Variants in EXT2 observed in about 807,000 individuals in gnomAD.
EXT2 encodes the protein exostosin-2.
A neutral mutation model predicts 81.6 loss-of-function variants in EXT2; 53 were observed. The observed-to-expected ratio is 0.65, with a 90% CI of 0.52 to 0.82. The LOEUF (loss-of-function observed/expected upper bound fraction) is 0.82. EXT2 is among the 40% of genes least tolerant of loss of function. EXT2 has a pLI of 0.00. For missense variants in EXT2, 774 were observed against 910.2 expected, an observed-to-expected ratio of 0.85 and a Z score of 1.93; for synonymous variants, 320 against 340.0, an observed-to-expected ratio of 0.94 and a Z score of 0.65.
intron 8 of EXT2, among the ~76,000 whole-genome samples, chr11:44,184,378 A>G (rs932153634): frequency 6.6e-6 from 1 of 152,218 alleles, no homozygotes; most frequent in Admixed American, 6.5e-5. Context: ...TCTTAAAGTA[A>G]GTGCTCTTTC....
intron 8 of EXT2, among the ~76,000 whole-genome samples, chr11:44,176,312 G>A (rs977462616): frequency 1.3e-5 from 2 of 152,060 alleles, no homozygotes; most frequent in Admixed American, 1.3e-4. Context: ...ATATAGGTAG[G>A]CTAGGAAAAA....
rs2134984062 is a variant in EXT2 at position 44,114,182 on chromosome 11, C to T, written c.627-3C>T. 6.2e-7 allele frequency: 1 copy of T among 1,613,540 alleles called. No homozygotes were observed. The highest frequency in any genetic ancestry group is 8.5e-7 in the Non-Finnish European group (1 of 1,179,468). On this transcript the variant is annotated splice_region_variant and splice_polypyrimidine_tract_variant and intron_variant, in intron 3 of 13. Transcript: ENST00000533608. ...ATCGTTTAACAAAATACTTTGCTTT[C>T]AGGGCCCTGTTGGCTGGTGGCGGCT...
intron 8 of EXT2, among the ~76,000 whole-genome samples, chr11:44,197,108 C>T (rs1424385585): frequency 1.3e-5 from 2 of 152,152 alleles, no homozygotes; most frequent in East Asian, 3.8e-4. Context: ...TCCTCTGTGC[C>T]TGTATTTCCC....
intron 7 of EXT2, among the ~76,000 whole-genome samples, chr11:44,146,555 T>A (rs1043864588): frequency 6.6e-6 from 1 of 152,164 alleles, no homozygotes; most frequent in Non-Finnish European, 1.5e-5. Flanking sequence ...CTCATTCCGT[T>A]GCAAGTTGAA....
Position 44,250,142 on chromosome 11 carries a change from CAG to C in EXT2, c.*5856_*5857del, listed in dbSNP as rs1395521983. Among the ~76,000 whole-genome samples the C allele has an allele frequency of 6.6e-6, 1 of 152,218 alleles. No homozygotes were observed. Among genetic ancestry groups the C allele is most frequent in the Admixed American group, 6.5e-5 (1 of 15,288 alleles). On this transcript the variant is annotated 3_prime_UTR_variant, in exon 14 of 14. Coordinates refer to ENST00000533608, the MANE Select transcript of EXT2 (RefSeq NM_207122.2). ...ATATAGCAATTAGAGTTGACTAAGA[CAG>C]TGTCCCTATCCTGTTCTTGAGCTCC...
rs1015812116 is a variant in EXT2 at position 44,179,724 on chromosome 11, AT to A, written c.1305+7984del. Among the ~76,000 whole-genome samples, 15 of 152,300 alleles carry A rather than the reference AT, an allele frequency of 9.8e-5. No individual in the cohort carries two copies. In the South Asian group the frequency reaches 1.9e-3, roughly 19 times the overall value. ...AATGAATTTTGTTTCCGTTTCTAATATTCTGTCCTTTTTATGTGTCTCCCAA... is the reference window on the plus strand; with the variant it reads ...AATGAATTTTGTTTCCGTTTCTAATATCTGTCCTTTTTATGTGTCTCCCAA... On this transcript the variant is annotated intron_variant, in intron 8 of 13. Coordinates refer to ENST00000533608, the MANE Select transcript of EXT2 (RefSeq NM_207122.2).
chr11:44,171,538 G>T, intron 7 of EXT2, 73 bp from the exon 8 acceptor site: 1 of 1,609,324 alleles, frequency 6.2e-7, no homozygotes, highest in Non-Finnish European at 8.5e-7. Context: ...ACCTGGAGTT[G>T]ACTATGATAG....
chr11:44,097,773 TAAATA>T (rs1565192381), intron 1 of EXT2, among the ~76,000 whole-genome samples: 5 of 57,416 alleles, frequency 8.7e-5, no homozygotes, highest in African/African-American at 3.4e-4. Flanking sequence ...AATAAATAAA[TAAATA>T]AATAAATAAA....
At chr11:44,113,729 T>C (rs1027812943) in intron 3 of EXT2, among the ~76,000 whole-genome samples, 5 of 152,180 alleles carry the variant, frequency 3.3e-5, no homozygotes, top group African/African-American at 9.7e-5. Context: ...ATGTGATACT[T>C]TCTGGCCACC....
intron 7 of EXT2, among the ~76,000 whole-genome samples, chr11:44,145,805 T>C (rs1359924283): frequency 6.6e-6 from 1 of 152,232 alleles, no homozygotes; most frequent in Admixed American, 6.5e-5. Flanking sequence ...TGAACTATTA[T>C]AATCATCTAA....
At chr11:44,119,169 T>TATATATATATATACACAC (rs1192115471) in intron 4 of EXT2, among the ~76,000 whole-genome samples, 3 of 63,154 alleles carry the variant, frequency 4.8e-5, no homozygotes, top group South Asian at 5.7e-4. Context: ...TATATATATA[T>TATATATATATATACACAC]ACACATACAC....
At chr11:44,119,120 C>T (rs1270984743) in intron 4 of EXT2, among the ~76,000 whole-genome samples, 3 of 28,802 alleles carry the variant, frequency 1.0e-4, no homozygotes, top group Non-Finnish European at 2.3e-4. Context: ...GGACATTTGG[C>T]TATTTATATA....
At chr11:44,127,030 G>T in intron 6 of EXT2, 75 bp downstream of exon 6, 1 of 1,554,896 alleles carries the variant, frequency 6.4e-7, no homozygotes, top group Non-Finnish European at 8.9e-7. Flanking sequence ...TCAGGTCATT[G>T]TAATGTATAC....
At chr11:44,130,248 TA>T in intron 7 of EXT2, 110 bp downstream of exon 7, 1 of 791,442 alleles carries the variant, frequency 1.3e-6, no homozygotes, top group Non-Finnish European at 2.2e-6. Context: ...CTTCCTCCAC[TA>T]GATCAACTAG....
At chr11:44,100,549 C>A (rs1317861252) in intron 1 of EXT2, among the ~76,000 whole-genome samples, 1 of 152,114 alleles carries the variant, frequency 6.6e-6, no homozygotes, top group African/African-American at 2.4e-5. Context: ...AGTTGACTGG[C>A]TCTTGTTATT....
intron 8 of EXT2, among the ~76,000 whole-genome samples, chr11:44,196,292 G>A (rs1955455306): frequency 6.6e-6 from 1 of 151,960 alleles, no homozygotes; most frequent in Non-Finnish European, 1.5e-5. Flanking sequence ...ATATGGCAGT[G>A]GTTTTTGTTT....
At chr11:44,228,593 T>C (rs1590663559) in intron 10 of EXT2, among the ~76,000 whole-genome samples, 4 of 152,304 alleles carry the variant, frequency 2.6e-5, no homozygotes, top group East Asian at 3.9e-4. Flanking sequence ...ACAAGGATGG[T>C]ATCTTGATTG....
At chr11:44,201,009 C>T (rs148765171) in intron 9 of EXT2, among the ~76,000 whole-genome samples, 2 of 152,284 alleles carry the variant, frequency 1.3e-5, no homozygotes, top group African/African-American at 4.8e-5. Flanking sequence ...TATCAGGTCA[C>T]CTGGCTCAGC....
In EXT2 at chr11:44,221,313, C is replaced by T. The variant is rs1217679104; in HGVS notation, c.1663-11040C>T. On this transcript the variant is annotated intron_variant, in intron 10 of 13. Coordinates refer to ENST00000533608, the MANE Select transcript of EXT2 (RefSeq NM_207122.2). ...CTCACCCCAGGATCTTTCCTATCTG[C>T]AGCACCATGGAGGCCACCTGGTTTC... Among the ~76,000 whole-genome samples the T allele has an allele frequency of 2.6e-5, 4 of 152,320 alleles. No homozygotes were observed. In the South Asian group the frequency reaches 8.3e-4, roughly 32 times the overall value.
Sources: allele counts gnomAD v4.1 joint callset (sites outside exome capture counted in the v4.1 genomes callset), GRCh38; gene constraint gnomAD v4.1.1; transcripts MANE v1.5; gene names NCBI Gene and HGNC (gene_info 2026-07-23, HGNC 2026-07-21).